FAM177A1: variants seen among roughly 807,000 people sequenced by gnomAD.
The protein encoded by FAM177A1 is protein FAM177A1.
A neutral mutation model predicts 26.1 loss-of-function variants in FAM177A1; 22 were observed. The observed-to-expected ratio is 0.84, with a 90% confidence interval of 0.60 to 1.20. The LOEUF is 1.20. Among genes scored for constraint, FAM177A1 ranks in the 50% most tolerant of loss-of-function variants. FAM177A1 has a pLI of 0.00. For missense variants in FAM177A1, 296 were observed against 291.1 expected, an observed-to-expected ratio of 1.02 and a Z score of -0.12; for synonymous variants, 95 against 99.3, an observed-to-expected ratio of 0.96 and a Z score of 0.26.
At chr14:35,077,414 T>C (rs1475641498) in intron 3 of FAM177A1, among the ~76,000 whole-genome samples, 198 bp downstream of exon 3, 1 of 152,084 alleles carries the variant, frequency 6.6e-6, no homozygotes, top group African/African-American at 2.4e-5. Flanking sequence ...CAATATAGTT[T>C]ATTTTTTGAG....
At chr14:35,049,503 G>C (rs1005225391) in intron 1 of FAM177A1, among the ~76,000 whole-genome samples, 4 of 152,168 alleles carry the variant, frequency 2.6e-5, no homozygotes, top group Non-Finnish European at 4.4e-5. Flanking sequence ...CAGATCCTGA[G>C]CTGGGCAGAG....
At chr14:35,049,326 A>T (rs1348770920) in intron 1 of FAM177A1, among the ~76,000 whole-genome samples, 1 of 152,204 alleles carries the variant, frequency 6.6e-6, no homozygotes, top group East Asian at 1.9e-4. Flanking sequence ...GTTACCAAGC[A>T]CTTACTATGT....
chr14:35,048,127 TAAGG>T (rs886557888), intron 1 of FAM177A1, among the ~76,000 whole-genome samples: 10 of 152,226 alleles, frequency 6.6e-5, no homozygotes, highest in African/African-American at 2.4e-4. Flanking sequence ...CATGAATTGA[TAAGG>T]AAGCCACGTC....
chr14:35,046,336 C>T lies in FAM177A1; in HGVS notation c.-128C>T. The T allele has an allele frequency of 8.5e-7, 1 of 1,170,960 alleles. No individual in the cohort carries two copies. Among genetic ancestry groups the T allele is most frequent in the Non-Finnish European group, 1.1e-6 (1 of 882,836 alleles). 72.5% of individuals were successfully genotyped at this position (1,170,960 alleles called of 1,614,324 possible). A position where few individuals can be genotyped will look rare whatever the true frequency, so the allele number is the denominator to read the frequency against. On this transcript the variant is annotated 5_prime_UTR_variant, in exon 1 of 5. Transcript: ENST00000280987. ...GGGCTAGGCGAGGCGCGGGCTGGCC[C>T]CGCCCCTCAGGCCGGCGAGTCCCCT...
chr14:35,081,056 A>G lies in FAM177A1; in HGVS notation c.539A>G (p.Glu180Gly), dbSNP rs1336465620. Residue 180 changes from glutamate to glycine, a missense_variant, in exon 5 of 5, where the codon GAA becomes GGA. By Grantham distance (98) the Glu-to-Gly change is moderately conservative. Transcript: ENST00000280987. ...GAAGAAGAAGAAAACAGGATGTCTG[A>G]AGAAGCAGAAAAACAATATCAACAG... The part of the protein sequence containing the change: ...EEEEEENRMS[E>G]EAEKQYQQNK... The G allele has an allele frequency of 6.2e-7, 1 of 1,612,008 alleles. No homozygotes were observed. Among genetic ancestry groups the G allele is most frequent in the Non-Finnish European group, 8.5e-7 (1 of 1,179,330 alleles).
upstream of FAM177A1, chr14:35,046,119 G>A (rs557378707): frequency 3.7e-5 from 7 of 189,246 alleles, no homozygotes; most frequent in Admixed American, 2.5e-4. Context: ...AGGTCGAGAC[G>A]CCAGGCTTCA....
intron 2 of FAM177A1, among the ~76,000 whole-genome samples, chr14:35,067,785 T>C (rs1031700460): frequency 2.6e-5 from 4 of 152,250 alleles, no homozygotes; most frequent in African/African-American, 9.6e-5. Flanking sequence ...TTAGTGATGT[T>C]GAACATTTTT....
At chr14:35,057,941 T>G (rs755826823) in intron 2 of FAM177A1, among the ~76,000 whole-genome samples, 10 of 152,158 alleles carry the variant, frequency 6.6e-5, no homozygotes, top group Non-Finnish European at 1.0e-4. Context: ...TTGAGAAGAA[T>G]GTATATTCTG....
At chr14:35,051,202 C>T (rs1046329066) in intron 1 of FAM177A1, among the ~76,000 whole-genome samples, 2 of 151,914 alleles carry the variant, frequency 1.3e-5, no homozygotes, top group Non-Finnish European at 2.9e-5. Flanking sequence ...TCACTGCAAC[C>T]GCCACCTCCC....
intron 4 of FAM177A1, among the ~76,000 whole-genome samples, chr14:35,079,888 T>C (rs1401191548): frequency 6.6e-6 from 1 of 152,124 alleles, no homozygotes; most frequent in Non-Finnish European, 1.5e-5. Flanking sequence ...GAGCATAAGG[T>C]ACAATGTGGG....
intron 2 of FAM177A1, among the ~76,000 whole-genome samples, chr14:35,062,985 T>TA (rs1001005786): frequency 2.5e-4 from 35 of 140,194 alleles, no homozygotes; most frequent in African/African-American, 4.2e-4. Context: ...TAGTATCATT[T>TA]AAAAAAAAAA....
chr14:35,069,651 A>G (rs2045288970), intron 2 of FAM177A1, among the ~76,000 whole-genome samples: 1 of 152,128 alleles, frequency 6.6e-6, no homozygotes, highest in South Asian at 2.1e-4. Flanking sequence ...GCAGACTTTC[A>G]ATTTTCTGTT....
At chr14:35,067,334 C>G (rs1228197042) in intron 2 of FAM177A1, among the ~76,000 whole-genome samples, 2 of 152,180 alleles carry the variant, frequency 1.3e-5, no homozygotes, top group Non-Finnish European at 2.9e-5. Context: ...CCTCCAGGTT[C>G]ATCCACGTTG....
rs541911879 is a variant in FAM177A1, at chr14:35,053,422, A to G, written c.310A>G (p.Lys104Glu). 3 of 1,614,076 alleles carry G rather than the reference A, an allele frequency of 1.9e-6. No homozygotes were observed. In the African/African-American group the frequency reaches 4.0e-5, roughly 22 times the overall value. The part of the protein sequence containing the change: ...TDEDEVDGLE[K>E]KDVLPTVDPT... ...TGAAGACGAAGTTGATGGCCTGGAG[A>G]AGAAAGATGTTTTGCCTACTGTTGA... The change falls in exon 2 of 5, where the codon AAG becomes GAG. Residue 104 changes from lysine to glutamate, a missense_variant. By Grantham distance (56) the Lys-to-Glu change is moderately conservative. Transcript: ENST00000280987.
intron 2 of FAM177A1, among the ~76,000 whole-genome samples, chr14:35,069,975 G>A (rs993313034): frequency 1.7e-4 from 26 of 151,396 alleles, no homozygotes; most frequent in Admixed American, 4.6e-4. Context: ...AATTAGGTGG[G>A]CGTGGTGGTG....
chr14:35,069,818 A>G (rs1595052139), intron 2 of FAM177A1, among the ~76,000 whole-genome samples: 1 of 152,094 alleles, frequency 6.6e-6, no homozygotes, highest in South Asian at 2.1e-4. Context: ...CTAATAGAGC[A>G]TAAGAAGTGG....
chr14:35,072,433 G>T (rs1426059263), intron 2 of FAM177A1, among the ~76,000 whole-genome samples: 1 of 152,170 alleles, frequency 6.6e-6, no homozygotes. Flanking sequence ...GGTTGGTCTT[G>T]CTGTGTTAGG....
rs2045492991 is a variant in FAM177A1, at chr14:35,082,085, T to A, written c.*857T>A. 1.3e-5 allele frequency: 2 copies of A among 152,144 alleles called. No individual in the cohort carries two copies. Among genetic ancestry groups the A allele is most frequent in the Admixed American group, 1.3e-4 (2 of 15,258 alleles). The allele number at this position is 152,144 out of a possible 1,614,324, so 9.4% of individuals were successfully genotyped here. A position where few individuals can be genotyped will look rare whatever the true frequency, so the allele number is the denominator to read the frequency against. ...AGGTGCAATGATAGCCTAATGAAAT[T>A]ACCCGTCATTCATCATTTAGAAGTA... On this transcript the variant is annotated 3_prime_UTR_variant, in exon 5 of 5. Coordinates refer to ENST00000280987, the MANE Select transcript of FAM177A1 (RefSeq NM_173607.5).
At chr14:35,060,049 C>G (rs2045127427) in intron 2 of FAM177A1, among the ~76,000 whole-genome samples, 1 of 152,150 alleles carries the variant, frequency 6.6e-6, no homozygotes, top group Middle Eastern at 3.4e-3. Context: ...TCTCGGCTCA[C>G]TGCAACCTCT....
Sources: gnomAD v4.1 joint callset for allele counts (sites outside exome capture counted in the v4.1 genomes callset) on GRCh38, gnomAD v4.1.1 for gene constraint, MANE v1.5 for transcripts, NCBI Gene and HGNC (gene_info 2026-07-23, HGNC 2026-07-21) for gene names.